RNF216: variants seen among roughly 807,000 people sequenced by gnomAD.
RNF216 encodes the protein E3 ubiquitin-protein ligase RNF216.
Under a neutral mutation model 110.8 loss-of-function variants are expected in RNF216, and 72 were observed. That is an observed-to-expected ratio of 0.65 (90% CI 0.54 to 0.79). The LOEUF (loss-of-function observed/expected upper bound fraction) is 0.79, where lower values mean the gene tolerates loss of function less well. Among genes scored for constraint, RNF216 ranks in the 30% least tolerant of loss-of-function variants. The probability of loss-of-function intolerance (pLI) is 0.00; values close to 1 mark genes in which losing one functional copy is unlikely to be tolerated. For synonymous variants in RNF216, 495 were observed against 407.5 expected, an observed-to-expected ratio of 1.21 and a Z score of -2.59; for missense variants, 1,342 against 1,141.2, an observed-to-expected ratio of 1.18 and a Z score of -2.54.
At position 5,725,306 on chromosome 7, in the gene RNF216, C is replaced by A; in HGVS notation, c.1504+18G>T. ...CAGTGTTGCAGCTACACACTGCCAC[C>A]AACACAGTTTGCATTACCTTGTTCA... On this transcript the variant is annotated intron_variant, in intron 8 of 16. Coordinates refer to ENST00000389902, the MANE Select transcript of RNF216 (RefSeq NM_207111.4). 7.1e-7 allele frequency: 1 copy of A among 1,402,696 alleles called. No homozygotes were observed. The highest frequency in any genetic ancestry group is 1.2e-5 in the South Asian group (1 of 86,562). 86.9% of individuals were successfully genotyped at this position (1,402,696 alleles called of 1,614,324 possible).
At chr7:5,741,862 A>G in intron 3 of RNF216, 47 bp from the exon 4 acceptor site, 1 of 1,545,214 alleles carries the variant, frequency 6.5e-7, no homozygotes, top group Non-Finnish European at 8.7e-7. Context: ...TCCTATGCCT[A>G]TCCCTCCTTA....
At chr7:5,632,691 C>T (rs994356433) in intron 15 of RNF216, among the ~76,000 whole-genome samples, 13 of 152,064 alleles carry the variant, frequency 8.5e-5, no homozygotes, top group Non-Finnish European at 1.9e-4. Context: ...GCAGCAGAAT[C>T]GCTTGAACCC....
Position 5,711,853 on chromosome 7 carries a change from A to G in RNF216, c.1983-14T>C, listed in dbSNP as rs770481973. The G allele has an allele frequency of 6.2e-7, 1 of 1,609,194 alleles. No homozygotes were observed. Among genetic ancestry groups the G allele is most frequent in the Non-Finnish European group, 8.5e-7 (1 of 1,175,982 alleles). On this transcript the variant is annotated splice_polypyrimidine_tract_variant and intron_variant, in intron 12 of 16. Coordinates refer to ENST00000389902, the MANE Select transcript of RNF216 (RefSeq NM_207111.4). ...CAGGACGGGCACCTAGAGTCAGAAC[A>G]GCAGAACTGACATTACTTCAAACAT...
At chr7:5,660,913 A>C (rs1789076671) in intron 13 of RNF216, among the ~76,000 whole-genome samples, 1 of 144,550 alleles carries the variant, frequency 6.9e-6, no homozygotes, top group African/African-American at 2.6e-5. Context: ...TGCTTTTCAC[A>C]GTACTAGCTC....
chr7:5,656,206 T>G (rs566512019), intron 13 of RNF216, among the ~76,000 whole-genome samples: 1 of 151,824 alleles, frequency 6.6e-6, no homozygotes, highest in Non-Finnish European at 1.5e-5. Context: ...GAGGTGGAGG[T>G]TGCATTGAGC....
chr7:5,772,044 A>T (rs530817084), intron 1 of RNF216, among the ~76,000 whole-genome samples: 31 of 152,072 alleles, frequency 2.0e-4, no homozygotes, highest in African/African-American at 7.5e-4. Flanking sequence ...GACCAGCCTG[A>T]CCAACATGGA....
At chr7:5,776,177 G>A (rs1356188188) in intron 1 of RNF216, among the ~76,000 whole-genome samples, 1 of 152,062 alleles carries the variant, frequency 6.6e-6, no homozygotes, top group East Asian at 1.9e-4. Context: ...AGCATTTTAT[G>A]TAACAAGAAT....
intron 5 of RNF216, among the ~76,000 whole-genome samples, chr7:5,738,465 T>G (rs900522665): frequency 6.6e-6 from 1 of 152,064 alleles, no homozygotes; most frequent in African/African-American, 2.4e-5. Context: ...TCCCAGCACT[T>G]TGGGAGGCCG....
At chr7:5,709,108 G>A (rs1448550954) in intron 13 of RNF216, among the ~76,000 whole-genome samples, 3 of 152,118 alleles carry the variant, frequency 2.0e-5, no homozygotes, top group African/African-American at 7.2e-5. Flanking sequence ...CTTCCCTCCC[G>A]AGAAGAGCAG....
intron 7 of RNF216, 72 bp downstream of exon 7, chr7:5,729,360 A>G: frequency 6.8e-7 from 1 of 1,476,632 alleles, no homozygotes; most frequent in Admixed American, 1.8e-5. Context: ...CACAAGCTGA[A>G]CTGTTCATTC....
intron 13 of RNF216, among the ~76,000 whole-genome samples, chr7:5,661,183 G>C (rs1406011564): frequency 6.6e-6 from 1 of 151,618 alleles, no homozygotes; most frequent in Non-Finnish European, 1.5e-5. Flanking sequence ...CAAGTGATCT[G>C]CCCACCTCGG....
In RNF216 at chr7:5,622,990, C is replaced by T. The variant is rs895037134; in HGVS notation, c.2642G>A (p.Gly881Glu). Reference protein sequence around the residue: ...PVFNNFPLNMGPIPAPYVPPL... With the variant: ...PVFNNFPLNMEPIPAPYVPPL... The stretch of plus-strand genomic sequence containing the variant: ...GGGCACGTACGGGGCTGGGATAGGC[C>T]CCATGTTGAGTGGGAAGTTGTTGAA... The change falls in exon 17 of 17, where the codon GGG becomes GAG. Residue 881 changes from glycine (G) to glutamate (E), a missense_variant. By Grantham distance (98) the Gly-to-Glu change is moderately conservative (BLOSUM62 -2). Coordinates refer to ENST00000389902, the MANE Select transcript of RNF216 (RefSeq NM_207111.4). 4 of 1,613,928 alleles carry T rather than the reference C, an allele frequency of 2.5e-6. No homozygotes were observed. The highest frequency in any genetic ancestry group is 1.1e-5 in the South Asian group (1 of 91,086).
chr7:5,683,005 C>T (rs1051704018), intron 13 of RNF216, among the ~76,000 whole-genome samples: 3 of 152,146 alleles, frequency 2.0e-5, no homozygotes, highest in Non-Finnish European at 4.4e-5. Flanking sequence ...GACAACCTCC[C>T]ATGACGGGGT....
chr7:5,681,663 G>T (rs1790659447), intron 13 of RNF216, among the ~76,000 whole-genome samples: 1 of 152,172 alleles, frequency 6.6e-6, no homozygotes, highest in Non-Finnish European at 1.5e-5. Flanking sequence ...CTCAACTGGG[G>T]ATAGTTTTCT....
chr7:5,660,955 T>TTTTTTTTTTTTTTTTTC (rs1562800034), intron 13 of RNF216, among the ~76,000 whole-genome samples: 2 of 145,596 alleles, frequency 1.4e-5, no homozygotes, highest in African/African-American at 5.3e-5. Context: ...TTTTTTTTTT[T>TTTTTTTTTTTTTTTTTC]TTTTTTTTTT....
At chr7:5,648,050 C>G (rs1157496822) in intron 14 of RNF216, among the ~76,000 whole-genome samples, 1 of 151,978 alleles carries the variant, frequency 6.6e-6, no homozygotes, top group Non-Finnish European at 1.5e-5. Flanking sequence ...ACAGAGCCAC[C>G]TGTGAAATGT....
At chr7:5,776,929 A>T (rs1796815918) in intron 1 of RNF216, among the ~76,000 whole-genome samples, 1 of 137,808 alleles carries the variant, frequency 7.3e-6, no homozygotes, top group Non-Finnish European at 1.6e-5. Flanking sequence ...AGAGAGAGAA[A>T]AAGAGAGAGA....
Position 5,620,100 on chromosome 7 carries a change from G to A in RNF216, c.*2760C>T, listed in dbSNP as rs1003032059. The A allele has an allele frequency of 6.6e-5, 10 of 152,234 alleles. No homozygotes were observed. The highest frequency in any genetic ancestry group is 1.7e-4 in the African/African-American group (7 of 41,460). 9.4% of individuals were successfully genotyped at this position (152,234 alleles called of 1,614,324 possible). A position where few individuals can be genotyped will look rare whatever the true frequency, so the allele number is the denominator to read the frequency against. On this transcript the variant is annotated 3_prime_UTR_variant, in exon 17 of 17. Coordinates refer to ENST00000389902, the MANE Select transcript of RNF216 (RefSeq NM_207111.4). ...AAAGTCCCAGTTACATATGATACAG[G>A]CTTTTTACACACAGTAGTTGAAACG...
intron 13 of RNF216, among the ~76,000 whole-genome samples, chr7:5,676,790 A>T (rs1790327847): frequency 6.6e-6 from 1 of 152,214 alleles, no homozygotes; most frequent in Non-Finnish European, 1.5e-5. Flanking sequence ...ACGACACAGA[A>T]AAGCCACTGG....
Sources: allele counts gnomAD v4.1 joint callset (sites outside exome capture counted in the v4.1 genomes callset), GRCh38; gene constraint gnomAD v4.1.1; transcripts MANE v1.5; gene names NCBI Gene and HGNC (gene_info 2026-07-23, HGNC 2026-07-21).